Variants in OR51F2 observed in about 807,000 individuals in gnomAD.
OR51F2 encodes olfactory receptor family 51 subfamily F member 2.
For missense variants in OR51F2, 435 were observed against 401.4 expected (o/e 1.08, Z -0.72); for synonymous variants, 172 against 153.6 (o/e 1.12, Z -0.89).
At position 4,821,420 on chromosome 11, in the gene OR51F2, C is replaced by T. The variant is rs748292483; in HGVS notation, c.-2C>T. 1 of 1,613,830 alleles carries T rather than the reference C, an allele frequency of 6.2e-7. No homozygotes were observed. Among genetic ancestry groups the T allele is most frequent in the Non-Finnish European group, 8.5e-7 (1 of 1,179,842 alleles). ...ACATCCCTGTCTTCTCAGTGCTTCCCTATGTCGGTCCTCAATAATACCATT... is the reference window on the plus strand; with the variant it reads ...ACATCCCTGTCTTCTCAGTGCTTCCTTATGTCGGTCCTCAATAATACCATT... On this transcript the variant is annotated 5_prime_UTR_variant, in exon 1 of 1. Coordinates refer to ENST00000322110, the MANE Select transcript of OR51F2 (RefSeq NM_001004753.2).
At position 4,821,538 on chromosome 11, in the gene OR51F2, T is replaced by A. The variant is rs777711898; in HGVS notation, c.117T>A (p.Val39=). The change falls in exon 1 of 1, where the codon GTT becomes GTA. Residue 39 remains valine (V), a synonymous_variant. Transcript: ENST00000322110. ...ISIPFCLLYV[V]AVSGNSMILF... is the part of the protein sequence containing the mutation. ...TCCCTTTTTGTCTCCTATATGTTGT[T>A]GCCGTCTCTGGAAATAGCATGATCC... is the stretch of plus-strand genomic sequence containing the variant. 4 of 1,612,584 alleles carry A rather than the reference T, an allele frequency of 2.5e-6. No homozygotes were observed. The South Asian group carries it at 3.3e-5, about 13-fold the overall frequency.
chr11:4,821,979 C>T lies in OR51F2; in HGVS notation c.558C>T (p.Leu186=), dbSNP rs1179008718. ...LSHSYCYHVD[L]IQLSCTDNRI... is the part of the protein sequence containing the mutation. ...ATTCTTACTGCTACCATGTTGATCT[C>T]ATCCAACTCTCCTGCACAGACAATA... The change falls in exon 1 of 1, where the codon CTC becomes CTT. Residue 186 remains leucine (L), a synonymous_variant. Transcript: ENST00000322110. 6.2e-7 allele frequency: 1 copy of T among 1,614,088 alleles called. No individual in the cohort carries two copies. Among genetic ancestry groups the T allele is most frequent in the Admixed American group, 1.7e-5 (1 of 60,022 alleles).
At position 4,822,066 on chromosome 11, in the gene OR51F2, C is replaced by A. The variant is rs774197327; in HGVS notation, c.645C>A (p.Cys215Ter). Residue 215 changes from cysteine to a stop codon, truncating the protein, a stop_gained, in exon 1 of 1, where the codon TGC (cysteine) becomes TGA (stop). Coordinates refer to ENST00000322110, the MANE Select transcript of OR51F2 (RefSeq NM_001004753.2). LOFTEE classifies it low-confidence loss of function (END_TRUNC). ...LLSTTGFDCP[C>*]ILLSYILIIR... ...CCACTACAGGGTTTGACTGCCCTTG[C>A]ATCCTGCTCTCCTATATCCTGATCA... 2.5e-6 allele frequency: 4 copies of A among 1,613,654 alleles called. No individual in the cohort carries two copies. The highest frequency in any genetic ancestry group is 2.7e-5 in the African/African-American group (2 of 74,860).
chr11:4,821,346 A>G lies in OR51F2; in HGVS notation c.-76A>G, dbSNP rs1305789283. ...CAGTGAATCTTGAAGTGCCAGAGAGATGTTACAAGTGATAAACTATGTATT... is the reference window on the plus strand; with the variant it reads ...CAGTGAATCTTGAAGTGCCAGAGAGGTGTTACAAGTGATAAACTATGTATT... On this transcript the variant is annotated 5_prime_UTR_variant, in exon 1 of 1. It removes an upstream start codon present in the reference 5' UTR. Transcript: ENST00000322110. 1 of 1,468,228 alleles carries G rather than the reference A, an allele frequency of 6.8e-7. No homozygotes were observed. The highest frequency in any genetic ancestry group is 9.4e-7 in the Non-Finnish European group (1 of 1,064,388). 91.0% of individuals were successfully genotyped at this position (1,468,228 alleles called of 1,614,324 possible). A position where few individuals can be genotyped will look rare whatever the true frequency, so the allele number is the denominator to read the frequency against.
Position 4,821,670 on chromosome 11 carries a change from C to G in OR51F2, c.249C>G (p.Thr83=), listed in dbSNP as rs766268146. ...LSLSLCTLST[T]LGVFWFEARE... is the part of the protein sequence containing the mutation. The stretch of plus-strand genomic sequence containing the variant: ...TGTCCCTGTGTACACTTTCTACTAC[C>G]CTTGGTGTCTTCTGGTTTGAAGCCC... The change falls in exon 1 of 1, where the codon ACC becomes ACG. Residue 83 remains threonine (T), a synonymous_variant. Coordinates refer to ENST00000322110, the MANE Select transcript of OR51F2 (RefSeq NM_001004753.2). 2.5e-6 allele frequency: 4 copies of G among 1,614,046 alleles called. No individual in the cohort carries two copies. Among genetic ancestry groups the G allele is most frequent in the African/African-American group, 1.3e-5 (1 of 75,012 alleles).
rs1849502798 is a variant in OR51F2 at position 4,821,668 on chromosome 11, A to G, written c.247A>G (p.Thr83Ala). ...CTTGTCCCTGTGTACACTTTCTACT[A>G]CCCTTGGTGTCTTCTGGTTTGAAGC... is the stretch of plus-strand genomic sequence containing the variant. ...LSLSLCTLST[T>A]LGVFWFEARE... The change falls in exon 1 of 1, where the codon ACC becomes GCC. Residue 83 changes from threonine (T) to alanine (A), a missense_variant. Thr to Ala is a moderately conservative substitution (Grantham distance 58). Transcript: ENST00000322110. 1.9e-6 allele frequency: 3 copies of G among 1,613,600 alleles called. No individual in the cohort carries two copies. The highest frequency in any genetic ancestry group is 1.7e-6 in the Non-Finnish European group (2 of 1,179,914).
At position 4,821,744 on chromosome 11, in the gene OR51F2, G is replaced by T. The variant is rs1183012684; in HGVS notation, c.323G>T (p.Gly108Val). ...ATTGCCCAGATGTTCTTTCTACACG[G>T]ATTTACTTTCATGGAGTCTGGGGTT... is the stretch of plus-strand genomic sequence containing the variant. The part of the protein sequence containing the change: ...ACIAQMFFLH[G>V]FTFMESGVLL... Residue 108 changes from glycine (G) to valine (V), a missense_variant, in exon 1 of 1, where the codon GGA (glycine) becomes GTA (valine). Gly to Val is a moderately radical substitution (Grantham distance 109). Coordinates refer to ENST00000322110, the MANE Select transcript of OR51F2 (RefSeq NM_001004753.2). 1.2e-6 allele frequency: 2 copies of T among 1,613,800 alleles called. No individual in the cohort carries two copies. Among genetic ancestry groups the T allele is most frequent in the African/African-American group, 2.7e-5 (2 of 74,840 alleles).
At position 4,822,084 on chromosome 11, in the gene OR51F2, C is replaced by T; in HGVS notation, c.663C>T (p.Ile221=). The T allele has an allele frequency of 3.1e-6, 5 of 1,613,424 alleles. No individual in the cohort carries two copies. The highest frequency in any genetic ancestry group is 3.4e-6 in the Non-Finnish European group (4 of 1,179,882). ...GCCCTTGCATCCTGCTCTCCTATATCCTGATCATTCGATCTGTCCTCAGCA... is the reference window on the plus strand; with the variant it reads ...GCCCTTGCATCCTGCTCTCCTATATTCTGATCATTCGATCTGTCCTCAGCA... The part of the protein sequence containing the change: ...FDCPCILLSY[I]LIIRSVLSIA... The change falls in exon 1 of 1, where the codon ATC becomes ATT. Residue 221 remains isoleucine (I), a synonymous_variant. Coordinates refer to ENST00000322110, the MANE Select transcript of OR51F2 (RefSeq NM_001004753.2).
Position 4,822,233 on chromosome 11 carries a change from C to A in OR51F2, c.812C>A (p.Pro271His), listed in dbSNP as rs374318168. ...SLVHRYGHSA[P>H]PFVHIIMANV... ...GTCCATCGCTATGGCCATTCAGCAC[C>A]TCCATTTGTCCACATCATCATGGCC... Residue 271 changes from proline to histidine, a missense_variant, in exon 1 of 1, where the codon CCT (proline) becomes CAT (histidine). By Grantham distance (77) the Pro-to-His change is moderately conservative. Coordinates refer to ENST00000322110, the MANE Select transcript of OR51F2 (RefSeq NM_001004753.2). 6.3e-7 allele frequency: 1 copy of A among 1,580,004 alleles called. No individual in the cohort carries two copies. The highest frequency in any genetic ancestry group is 8.6e-7 in the Non-Finnish European group (1 of 1,161,684).
Position 4,821,611 on chromosome 11 carries a change from T to C in OR51F2, c.190T>C (p.Phe64Leu). ...ERSLHKPMYY[F>L]LSMLSATDLS... is the part of the protein sequence containing the mutation. ...GAGCCTCCATAAGCCTATGTACTAT[T>C]TCCTCTCTATGCTTTCAGCCACAGA... is the stretch of plus-strand genomic sequence containing the variant. The change falls in exon 1 of 1, where the codon TTC (phenylalanine) becomes CTC (leucine). Residue 64 changes from phenylalanine to leucine, a missense_variant. Transcript: ENST00000322110. 1 of 1,613,998 alleles carries C rather than the reference T, an allele frequency of 6.2e-7. No individual in the cohort carries two copies. The highest frequency in any genetic ancestry group is 1.1e-5 in the South Asian group (1 of 91,070).
Position 4,821,500 on chromosome 11 carries a change from T to A in OR51F2, c.79T>A (p.Tyr27Asn). 6.2e-7 allele frequency: 1 copy of A among 1,612,480 alleles called. No individual in the cohort carries two copies. Among genetic ancestry groups the A allele is most frequent in the Non-Finnish European group, 8.5e-7 (1 of 1,179,400 alleles). Residue 27 changes from tyrosine to asparagine, a missense_variant, in exon 1 of 1, where the codon TAC (tyrosine) becomes AAC (asparagine). Tyr to Asn is a moderately radical substitution (Grantham distance 143). Transcript: ENST00000322110. ...CATTCCAGGCCTGAAAGCCACCCAG[T>A]ACTGGATCTCCATCCCTTTTTGTCT... ...MGIPGLKATQ[Y>N]WISIPFCLLY...
rs781723490 is a variant in OR51F2, at chr11:4,822,303, CA to C, written c.883del (p.Ser295ValfsTer2). ...IPPVLNPIIY[S>X]VKIKQIQKAI... ...CTCCTGTGCTCAACCCTATTATTTA[CA>C]GTGTAAAGATTAAGCAGATTCAAAA... On this transcript the variant is annotated frameshift_variant, in exon 1 of 1. Transcript: ENST00000322110. LOFTEE classifies it low-confidence loss of function (END_TRUNC). 6.5e-7 allele frequency: 1 copy of C among 1,531,544 alleles called. No homozygotes were observed. Among genetic ancestry groups the C allele is most frequent in the South Asian group, 1.3e-5 (1 of 77,404 alleles). The allele number at this position is 1,531,544 out of a possible 1,614,324, so 94.9% of individuals were successfully genotyped here.
At position 4,822,372 on chromosome 11, in the gene OR51F2, T is replaced by C; in HGVS notation, c.951T>C (p.Asn317=). The C allele has an allele frequency of 6.8e-7, 1 of 1,469,194 alleles. No homozygotes were observed. The highest frequency in any genetic ancestry group is 1.6e-5 in the South Asian group (1 of 63,618). The allele number at this position is 1,469,194 out of a possible 1,614,324, so 91.0% of individuals were successfully genotyped here. Residue 317 remains asparagine, a synonymous_variant, in exon 1 of 1, where the codon AAT becomes AAC. Coordinates refer to ENST00000322110, the MANE Select transcript of OR51F2 (RefSeq NM_001004753.2). ...KVLIQKHSKS[N]HQLFLIRDKA... is the part of the protein sequence containing the mutation. ...TAATTCAGAAGCACTCCAAATCTAA[T>C]CATCAGCTATTTCTGATTAGAGATA...
rs540214556 is a variant in OR51F2 at position 4,822,118 on chromosome 11, T to A, written c.697T>A (p.Ser233Thr). The A allele has an allele frequency of 6.2e-7, 1 of 1,612,866 alleles. No individual in the cohort carries two copies. Among genetic ancestry groups the A allele is most frequent in the Admixed American group, 1.7e-5 (1 of 59,944 alleles). The part of the protein sequence containing the change: ...IIRSVLSIAS[S>T]EERRKAFNTC... ...TCGATCTGTCCTCAGCATTGCTTCC[T>A]CAGAAGAGAGGCGGAAAGCCTTCAA... The change falls in exon 1 of 1, where the codon TCA (serine) becomes ACA (threonine). Residue 233 changes from serine to threonine, a missense_variant. By Grantham distance (58) the Ser-to-Thr change is moderately conservative. Coordinates refer to ENST00000322110, the MANE Select transcript of OR51F2 (RefSeq NM_001004753.2).
At position 4,821,648 on chromosome 11, in the gene OR51F2, C is replaced by G; in HGVS notation, c.227C>G (p.Ser76Cys). The G allele has an allele frequency of 6.2e-7, 1 of 1,614,062 alleles. No homozygotes were observed. Among genetic ancestry groups the G allele is most frequent in the Non-Finnish European group, 8.5e-7 (1 of 1,179,948 alleles). ...CTTTCAGCCACAGACCTGAGCTTGT[C>G]CCTGTGTACACTTTCTACTACCCTT... ...SMLSATDLSL[S>C]LCTLSTTLGV... The change falls in exon 1 of 1, where the codon TCC (serine) becomes TGC (cysteine). Residue 76 changes from serine to cysteine, a missense_variant. Transcript: ENST00000322110.
rs1849517790 is a variant in OR51F2 at position 4,822,195 on chromosome 11, C to G, written c.774C>G (p.Ile258Met). ...TTTCCATCTTCTACCTCCCTCTCAT[C>G]AGTTTGTCTCTTGTCCATCGCTATG... ...SAVSIFYLPL[I>M]SLSLVHRYGH... The change falls in exon 1 of 1, where the codon ATC becomes ATG. Residue 258 changes from isoleucine (I) to methionine (M), a missense_variant. Physicochemically the swap from Ile to Met is conservative, Grantham distance 10. Transcript: ENST00000322110. The G allele has an allele frequency of 1.2e-6, 2 of 1,600,500 alleles. No individual in the cohort carries two copies. The highest frequency in any genetic ancestry group is 2.3e-5 in the South Asian group (2 of 88,266).
In OR51F2 at chr11:4,822,252, C is replaced by T. The variant is rs1253904285; in HGVS notation, c.831C>T (p.Ile277=). 3.2e-6 allele frequency: 5 copies of T among 1,571,370 alleles called. No homozygotes were observed. The African/African-American group carries it at 4.1e-5, about 13-fold the overall frequency. Reference sequence around the variant, plus strand: ...CAGCACCTCCATTTGTCCACATCATCATGGCCAATGTCTTTCTGCTAATCC... The same window carrying T: ...CAGCACCTCCATTTGTCCACATCATTATGGCCAATGTCTTTCTGCTAATCC... ...GHSAPPFVHI[I]MANVFLLIPP... Residue 277 remains isoleucine (I), a synonymous_variant, in exon 1 of 1, where the codon ATC becomes ATT. Coordinates refer to ENST00000322110, the MANE Select transcript of OR51F2 (RefSeq NM_001004753.2).
At position 4,822,277 on chromosome 11, in the gene OR51F2, C is replaced by T. The variant is rs771911608; in HGVS notation, c.856C>T (p.Pro286Ser). The stretch of plus-strand genomic sequence containing the variant: ...CATGGCCAATGTCTTTCTGCTAATC[C>T]CTCCTGTGCTCAACCCTATTATTTA... Reference protein sequence around the residue: ...IIMANVFLLIPPVLNPIIYSV... With the variant: ...IIMANVFLLISPVLNPIIYSV... Residue 286 changes from proline (P) to serine (S), a missense_variant, in exon 1 of 1, where the codon CCT (proline) becomes TCT (serine). Pro to Ser is a moderately conservative substitution (Grantham distance 74). Coordinates refer to ENST00000322110, the MANE Select transcript of OR51F2 (RefSeq NM_001004753.2). 2 of 1,560,010 alleles carry T rather than the reference C, an allele frequency of 1.3e-6. No individual in the cohort carries two copies. Among genetic ancestry groups the T allele is most frequent in the Non-Finnish European group, 8.7e-7 (1 of 1,150,778 alleles).
Position 4,821,964 on chromosome 11 carries a change from C to T in OR51F2, c.543C>T (p.Cys181=). The change falls in exon 1 of 1, where the codon TGC becomes TGT. Residue 181 remains cysteine, a synonymous_variant. Coordinates refer to ENST00000322110, the MANE Select transcript of OR51F2 (RefSeq NM_001004753.2). The stretch of plus-strand genomic sequence containing the variant: ...CTATGGTCCTTTCACATTCTTACTG[C>T]TACCATGTTGATCTCATCCAACTCT... ...CSSMVLSHSY[C]YHVDLIQLSC... 6.2e-7 allele frequency: 1 copy of T among 1,614,014 alleles called. No individual in the cohort carries two copies. Among genetic ancestry groups the T allele is most frequent in the Non-Finnish European group, 8.5e-7 (1 of 1,179,938 alleles).
Sources: gnomAD v4.1 joint callset for allele counts on GRCh38, gnomAD v4.1.1 for gene constraint, MANE v1.5 for transcripts, NCBI Gene and HGNC (gene_info 2026-07-23, HGNC 2026-07-21) for gene names.